RAD23B: variants seen among roughly 807,000 people sequenced by gnomAD.
RAD23B encodes lysine-specific demethylase RAD23B.
Under a neutral mutation model 49.1 loss-of-function variants are expected in RAD23B, and 5 were observed. That is an observed-to-expected ratio of 0.10 (90% CI 0.05 to 0.21). RAD23B has a LOEUF of 0.21. Ranked by LOEUF, RAD23B falls within the 10% of genes least tolerant of loss-of-function variation. The probability of loss-of-function intolerance (pLI) is 1.00; values close to 1 mark genes in which losing one functional copy is unlikely to be tolerated. For synonymous variants in RAD23B, 184 were observed against 165.4 expected (o/e 1.11, Z -0.86); for missense variants, 356 against 486.7 (o/e 0.73, Z 2.53).
Position 107,318,992 on chromosome 9 carries a change from T to C in RAD23B, c.681+113T>C, listed in dbSNP as rs1827053381. On this transcript the variant is annotated intron_variant, in intron 6 of 9. Transcript: ENST00000358015. This position sits in a 1 kb window ranked among gnomAD's most constrained non-coding sequence, Gnocchi z 4.3. ...ACTGATATATGCTAGATGATATACA[T>C]AATGCTTTTTTTTTTCTAGTATGTT... 2.0e-6 allele frequency: 2 copies of C among 1,018,382 alleles called. No individual in the cohort carries two copies. Among genetic ancestry groups the C allele is most frequent in the Non-Finnish European group, 2.7e-6 (2 of 747,436 alleles). 63.1% of individuals were successfully genotyped at this position (1,018,382 alleles called of 1,614,324 possible). A position where few individuals can be genotyped will look rare whatever the true frequency, so the allele number is the denominator to read the frequency against.
Position 107,324,955 on chromosome 9 carries a change from A to G in RAD23B, c.1067A>G (p.His356Arg), listed in dbSNP as rs749558086. The change falls in exon 9 of 10, where the codon CAT (histidine) becomes CGT (arginine). Residue 356 changes from histidine (H) to arginine (R), a missense_variant. His to Arg is a conservative substitution (Grantham distance 29). Transcript: ENST00000358015. ...GGAATTGCAGAAGCTGGAAGTGGTC[A>G]TATGAACTACATTCAAGTAACACCT... Reference protein sequence around the residue: ...SGGIAEAGSGHMNYIQVTPQE... With the variant: ...SGGIAEAGSGRMNYIQVTPQE... 6.2e-7 allele frequency: 1 copy of G among 1,613,882 alleles called. No individual in the cohort carries two copies. The highest frequency in any genetic ancestry group is 8.5e-7 in the Non-Finnish European group (1 of 1,179,974).
Position 107,331,455 on chromosome 9 carries a change from A to G in RAD23B, c.*1799A>G, listed in dbSNP as rs1827304678. The G allele has an allele frequency of 4.2e-6, 2 of 478,050 alleles. No homozygotes were observed. Among genetic ancestry groups the G allele is most frequent in the Non-Finnish European group, 7.4e-6 (2 of 270,372 alleles). The allele number at this position is 478,050 out of a possible 1,614,324, so 29.6% of individuals were successfully genotyped here. ...GAAGTGAAGGTTGCCGTGAGCTGAG[A>G]TCACACCACTGCCATAAACATGACA... On this transcript the variant is annotated 3_prime_UTR_variant, in exon 10 of 10. Coordinates refer to ENST00000358015, the MANE Select transcript of RAD23B (RefSeq NM_002874.5).
chr9:107,308,134 C>A (rs775172485), intron 4 of RAD23B, among the ~76,000 whole-genome samples: 12 of 151,412 alleles, frequency 7.9e-5, no homozygotes, highest in Non-Finnish European at 1.6e-4. Flanking sequence ...AAAAAAAAAG[C>A]TTACAGTGTG....
chr9:107,324,085 G>A (rs1375086755), intron 8 of RAD23B, 68 bp downstream of exon 8: 8 of 1,494,920 alleles, frequency 5.4e-6, no homozygotes, highest in Middle Eastern at 1.7e-4. Context: ...TCCATGAACG[G>A]TCCTTCCCCT....
intron 7 of RAD23B, 22 bp from the exon 8 acceptor site, chr9:107,323,868 G>A (rs1805334): frequency 0.76 from 1,198,730 of 1,580,572 alleles, 454,486 homozygotes; most frequent in Middle Eastern, 0.85. Context: ...CTTTTGTTTA[G>A]AAATGTTTAT....
chr9:107,319,759 T>TG (rs1212761202), intron 6 of RAD23B, among the ~76,000 whole-genome samples: 2 of 152,164 alleles, frequency 1.3e-5, no homozygotes, highest in African/African-American at 4.8e-5. Flanking sequence ...AGTATTCTTT[T>TG]TTTTACTGGT....
chr9:107,283,684 C>T lies in RAD23B; in HGVS notation c.55C>T (p.Pro19Ser). ...QQQTFKIDID[P>S]EETVKALKEK... Reference sequence around the variant, plus strand: ...GCAGACCTTCAAGATAGACATTGACCCCGAGGAGACGGTATGCGCGCGGGC... The same window carrying T: ...GCAGACCTTCAAGATAGACATTGACTCCGAGGAGACGGTATGCGCGCGGGC... The change falls in exon 1 of 10, where the codon CCC becomes TCC. Residue 19 changes from proline (P) to serine (S), a missense_variant. Around this residue, in one of 5 missense-constraint regions of RAD23B, gnomAD observed 31 missense variants for 23.5 expected, o/e 1.32. Transcript: ENST00000358015. The T allele has an allele frequency of 6.8e-7, 1 of 1,472,578 alleles. No homozygotes were observed. Among genetic ancestry groups the T allele is most frequent in the Non-Finnish European group, 9.0e-7 (1 of 1,108,578 alleles). The allele number at this position is 1,472,578 out of a possible 1,614,324, so 91.2% of individuals were successfully genotyped here.
intron 5 of RAD23B, among the ~76,000 whole-genome samples, chr9:107,315,546 CTT>C (rs1452289457): frequency 6.6e-6 from 1 of 152,086 alleles, no homozygotes; most frequent in Non-Finnish European, 1.5e-5. Context: ...GACTCTCTCT[CTT>C]TGTCACCCAG....
intron 5 of RAD23B, among the ~76,000 whole-genome samples, chr9:107,315,274 A>G (rs1300763990): frequency 6.6e-6 from 1 of 152,042 alleles, no homozygotes; most frequent in African/African-American, 2.4e-5. Flanking sequence ...GTTGAAGATC[A>G]TTTTGGTTGT....
chr9:107,289,772 A>T (rs1291251851), intron 1 of RAD23B, among the ~76,000 whole-genome samples: 1 of 152,188 alleles, frequency 6.6e-6, no homozygotes, highest in African/African-American at 2.4e-5. Flanking sequence ...GTACTAACTT[A>T]TTGGTATATG....
At chr9:107,326,556 C>CT (rs1827206463) in intron 9 of RAD23B, among the ~76,000 whole-genome samples, 2 of 139,536 alleles carry the variant, frequency 1.4e-5, no homozygotes, top group Admixed American at 1.4e-4. Flanking sequence ...TGGTCCTGGG[C>CT]TTTTTTTGGG....
At position 107,284,969 on chromosome 9, in the gene RAD23B, C is replaced by T. The variant is rs925154714; in HGVS notation, c.66+1274C>T. 1.0e-5 allele frequency: 13 copies of T among 1,299,920 alleles called. No homozygotes were observed. The South Asian group carries it at 1.6e-4, about 16-fold the overall frequency. 80.5% of individuals were successfully genotyped at this position (1,299,920 alleles called of 1,614,324 possible). A position where few individuals can be genotyped will look rare whatever the true frequency, so the allele number is the denominator to read the frequency against. On this transcript the variant is annotated intron_variant, in intron 1 of 9. Transcript: ENST00000358015. ...AATCGATTATTTAAACAATGGATTC[C>T]TTTGAGTGGAGATACAGTGTTACGT...
intron 1 of RAD23B, among the ~76,000 whole-genome samples, chr9:107,296,366 A>G (rs374970763): frequency 1.6e-4 from 24 of 152,302 alleles, no homozygotes; most frequent in African/African-American, 5.8e-4. Flanking sequence ...TTCACTTTCA[A>G]TGCCAAGAAT....
Position 107,302,078 on chromosome 9 carries a change from T to C in RAD23B, c.192T>C (p.Ile64=). Residue 64 remains isoleucine (I), a synonymous_variant, in exon 3 of 10, where the codon ATT becomes ATC. Transcript: ENST00000358015. ...ATACTGCTCTCAAAGAATATAAAAT[T>C]GATGAGAAAAACTTTGTGGTGGTTA... ...NDDTALKEYK[I]DEKNFVVVMV... 1 of 1,613,356 alleles carries C rather than the reference T, an allele frequency of 6.2e-7. No homozygotes were observed. Among genetic ancestry groups the C allele is most frequent in the South Asian group, 1.1e-5 (1 of 91,058 alleles).
rs180882699 is a variant in RAD23B, at chr9:107,288,342, C to A, written c.66+4647C>A. ...GTGCATTCTAGTGGGATAAAACTGT[C>A]AAAAAATACATTTTAAAAACCAGGT... is the stretch of plus-strand genomic sequence containing the variant. On this transcript the variant is annotated intron_variant, in intron 1 of 9. Coordinates refer to ENST00000358015, the MANE Select transcript of RAD23B (RefSeq NM_002874.5). Among the ~76,000 whole-genome samples, 131 of 152,206 alleles carry A rather than the reference C, an allele frequency of 8.6e-4. 1 individual carries two copies. The highest frequency in any genetic ancestry group is 1.8e-3 in the Non-Finnish European group (120 of 68,006).
chr9:107,308,218 A>AT (rs149392767), intron 4 of RAD23B, among the ~76,000 whole-genome samples: 21 of 130,652 alleles, frequency 1.6e-4, no homozygotes, highest in South Asian at 2.4e-4. Flanking sequence ...CATTAACTCC[A>AT]TTTTTTTTTT....
rs1441784075 is a variant in RAD23B at position 107,283,629 on chromosome 9, C to G, written c.-1C>G. 6.8e-7 allele frequency: 1 copy of G among 1,479,164 alleles called. No individual in the cohort carries two copies. The highest frequency in any genetic ancestry group is 2.4e-5 in the Admixed American group (1 of 42,448). The allele number at this position is 1,479,164 out of a possible 1,614,324, so 91.6% of individuals were successfully genotyped here. On this transcript the variant is annotated 5_prime_UTR_variant, in exon 1 of 10. Coordinates refer to ENST00000358015, the MANE Select transcript of RAD23B (RefSeq NM_002874.5). ...CGGCAGCCGAGCTGCGCGGCGGCAC[C>G]ATGCAGGTCACCCTGAAGACCCTCC...
intron 4 of RAD23B, among the ~76,000 whole-genome samples, chr9:107,310,572 C>T (rs1826870572): frequency 6.6e-6 from 1 of 152,120 alleles, no homozygotes; most frequent in Non-Finnish European, 1.5e-5. Flanking sequence ...AAATTGGTGT[C>T]ATAGTGGTTG....
chr9:107,325,313 CAAAAAAA>C (rs34042765), intron 9 of RAD23B, among the ~76,000 whole-genome samples: 12 of 61,386 alleles, frequency 2.0e-4, no homozygotes, highest in African/African-American at 7.9e-4. Flanking sequence ...GACTCTGTCT[CAAAAAAA>C]AAAAAAAAAA....
Sources: allele counts gnomAD v4.1 joint callset (sites outside exome capture counted in the v4.1 genomes callset), GRCh38; gene constraint gnomAD v4.1.1; regional missense constraint gnomAD v4.1.1; non-coding constraint Gnocchi (gnomAD v3.1); transcripts MANE v1.5; gene names NCBI Gene and HGNC (gene_info 2026-07-23, HGNC 2026-07-21).